The following GNG12 variants were observed in gnomAD, a reference collection of about 807,000 sequenced individuals.
GNG12 encodes G protein subunit gamma 12.
For missense variants in GNG12, 69 were observed against 83.8 expected (o/e 0.82, Z 0.69); for synonymous variants, 28 against 29.7 (o/e 0.94, Z 0.19).
intron 3 of GNG12, 49 bp from the exon 4 acceptor site, chr1:67,705,625 C>T: frequency 1.3e-6 from 2 of 1,584,312 alleles, no homozygotes; most frequent in Non-Finnish European, 1.7e-6. Flanking sequence ...ATTTTACTTG[C>T]ACACTTTCAG....
At chr1:67,818,892 C>A (rs1193742228) in intron 1 of GNG12, among the ~76,000 whole-genome samples, 1 of 152,076 alleles carries the variant, frequency 6.6e-6, no homozygotes, top group African/African-American at 2.4e-5. Flanking sequence ...CATTCCCAAG[C>A]CAGAGGTGGT....
At chr1:67,710,738 T>C (rs180892181) in intron 2 of GNG12, among the ~76,000 whole-genome samples, 108 of 152,298 alleles carry the variant, frequency 7.1e-4, no homozygotes, top group African/African-American at 2.5e-3. Context: ...CTTTCCCTCA[T>C]TCTGATATCT....
intron 1 of GNG12, among the ~76,000 whole-genome samples, chr1:67,831,758 G>C (rs907257720): frequency 6.6e-5 from 10 of 152,078 alleles, no homozygotes; most frequent in African/African-American, 2.4e-4. Context: ...ACTAGAAAAG[G>C]GGCTTGCTAG....
rs1382810494 is a variant in GNG12 at position 67,740,327 on chromosome 1, CT to C, written c.-26-32616del. ...TCTCCTATATTTCTTCCCTGCTGATCTGGGGCAGGGGTCTGTAAATTACAGC... is the reference window on the plus strand; with the variant it reads ...TCTCCTATATTTCTTCCCTGCTGATCGGGGCAGGGGTCTGTAAATTACAGC... On this transcript the variant is annotated intron_variant, in intron 2 of 3. Transcript: ENST00000370982. Among the ~76,000 whole-genome samples the C allele has an allele frequency of 2.0e-5, 3 of 152,232 alleles. No homozygotes were observed. In the East Asian group the frequency reaches 5.8e-4, roughly 29 times the overall value.
intron 2 of GNG12, among the ~76,000 whole-genome samples, chr1:67,769,217 C>T (rs551573343): frequency 8.5e-5 from 13 of 152,228 alleles, no homozygotes; most frequent in East Asian, 5.8e-4. Flanking sequence ...TCATTTGAGA[C>T]GCTGGCTTCA....
intron 2 of GNG12, among the ~76,000 whole-genome samples, chr1:67,764,446 T>C (rs1230808164): frequency 6.6e-6 from 1 of 152,214 alleles, no homozygotes; most frequent in Non-Finnish European, 1.5e-5. Flanking sequence ...CTGTCTGTCC[T>C]AGTCAGCAGA....
chr1:67,713,152 G>A (rs1646306125), intron 2 of GNG12, among the ~76,000 whole-genome samples: 1 of 152,162 alleles, frequency 6.6e-6, no homozygotes, highest in African/African-American at 2.4e-5. Flanking sequence ...AGACAGTTTC[G>A]GCTCCTAGAC....
intron 2 of GNG12, among the ~76,000 whole-genome samples, chr1:67,713,111 C>T (rs572966066): frequency 6.6e-6 from 1 of 152,016 alleles, no homozygotes; most frequent in Non-Finnish European, 1.5e-5. Flanking sequence ...GTTTGTGTAA[C>T]ACCTCCCTTC....
chr1:67,768,711 C>G (rs1005959035), intron 2 of GNG12, among the ~76,000 whole-genome samples: 5 of 152,172 alleles, frequency 3.3e-5, no homozygotes, highest in African/African-American at 9.7e-5. Flanking sequence ...TTAACCGTAA[C>G]CATGTTCAAA....
intron 1 of GNG12, among the ~76,000 whole-genome samples, chr1:67,801,709 A>G (rs1443090546): frequency 6.6e-6 from 1 of 152,184 alleles, no homozygotes; most frequent in African/African-American, 2.4e-5. Context: ...CAGACCTCAC[A>G]GGTTTCCCCA....
chr1:67,798,311 T>A (rs1296684355), intron 1 of GNG12, among the ~76,000 whole-genome samples: 13 of 152,154 alleles, frequency 8.5e-5, no homozygotes, highest in Non-Finnish European at 1.3e-4. Flanking sequence ...TGTACACTCC[T>A]TATGAGAATC....
At chr1:67,785,543 T>C (rs1264891908) in intron 1 of GNG12, among the ~76,000 whole-genome samples, 4 of 152,134 alleles carry the variant, frequency 2.6e-5, no homozygotes, top group African/African-American at 9.7e-5. Flanking sequence ...TTTAGTTGTA[T>C]CTCCTAAATC....
At chr1:67,742,831 T>C (rs1471538200) in intron 2 of GNG12, among the ~76,000 whole-genome samples, 1 of 151,850 alleles carries the variant, frequency 6.6e-6, no homozygotes, top group Non-Finnish European at 1.5e-5. Context: ...AAATAGCTCA[T>C]GTTTATTTGA....
chr1:67,811,872 C>G (rs1646928257), intron 1 of GNG12, among the ~76,000 whole-genome samples: 1 of 152,144 alleles, frequency 6.6e-6, no homozygotes, highest in Non-Finnish European at 1.5e-5. Flanking sequence ...GAGGCTATAA[C>G]CAAGGAGACA....
intron 1 of GNG12, among the ~76,000 whole-genome samples, chr1:67,800,107 T>C (rs1454062859): frequency 6.6e-6 from 1 of 152,246 alleles, no homozygotes; most frequent in East Asian, 1.9e-4. Flanking sequence ...ATATTAAAAT[T>C]GATTAGTCTC....
intron 1 of GNG12, among the ~76,000 whole-genome samples, chr1:67,791,132 T>A (rs1646799986): frequency 6.6e-6 from 1 of 152,088 alleles, no homozygotes; most frequent in Non-Finnish European, 1.5e-5. Flanking sequence ...AAGCCAGCTT[T>A]TACTCCTGTG....
rs562350841 is a variant in GNG12, at chr1:67,760,179, G to A, written c.-27+17279C>T. On this transcript the variant is annotated intron_variant, in intron 2 of 3. Coordinates refer to ENST00000370982, the MANE Select transcript of GNG12 (RefSeq NM_018841.6). ...ATTACTGAAACCAAGGCCCTGTGAC[G>A]TTCCAGTGAGTCCAAGGTGCTAGCT... Among the ~76,000 whole-genome samples, 20 of 152,264 alleles carry A rather than the reference G, an allele frequency of 1.3e-4. No homozygotes were observed. The South Asian group carries it at 2.5e-3, about 19-fold the overall frequency.
rs1217871379 is a variant in GNG12 at position 67,705,158 on chromosome 1, G to C, written c.*293C>G. 4.5e-6 allele frequency: 1 copy of C among 219,916 alleles called. No homozygotes were observed. Among genetic ancestry groups the C allele is most frequent in the South Asian group, 1.0e-4 (1 of 9,926 alleles). The allele number at this position is 219,916 out of a possible 1,614,324, so 13.6% of individuals were successfully genotyped here. A position where few individuals can be genotyped will look rare whatever the true frequency, so the allele number is the denominator to read the frequency against. On this transcript the variant is annotated 3_prime_UTR_variant, in exon 4 of 4. Transcript: ENST00000370982. Reference sequence around the variant, plus strand: ...TATCGGAATCCCTTGTATTTCTAAAGTATATAATTATGTTTTTAAAAAGGC... The same window carrying C: ...TATCGGAATCCCTTGTATTTCTAAACTATATAATTATGTTTTTAAAAAGGC...
At chr1:67,732,566 G>C (rs750596423) in intron 2 of GNG12, among the ~76,000 whole-genome samples, 3 of 152,234 alleles carry the variant, frequency 2.0e-5, no homozygotes, top group East Asian at 1.9e-4. Context: ...TTCAGGAATC[G>C]AGTGGCAGGT....
Sources: allele counts gnomAD v4.1 joint callset (sites outside exome capture counted in the v4.1 genomes callset), GRCh38; gene constraint gnomAD v4.1.1; transcripts MANE v1.5; gene names NCBI Gene and HGNC (gene_info 2026-07-23, HGNC 2026-07-21).